SLC71A2: variants seen among roughly 807,000 people sequenced by gnomAD.
SLC71A2 encodes hippocampus abundant transcript-like 1.
At chr9:94,438,533 G>A in the SLC71A2 span, 1 of 1,605,174 alleles carries the variant, frequency 6.2e-7, no homozygotes, top group Non-Finnish European at 8.5e-7. Context: ...CCCATGGTGA[G>A]TGACTTGGCC....
the SLC71A2 span, chr9:94,456,482 T>C: frequency 1.6e-6 from 1 of 611,442 alleles, no homozygotes. Context: ...CTTTGGCAGA[T>C]AGGAACATTC....
At chr9:94,446,872 C>T in the SLC71A2 span, 4 of 1,612,852 alleles carry the variant, frequency 2.5e-6, no homozygotes, top group Non-Finnish European at 3.4e-6. Flanking sequence ...ATCTGCATCA[C>T]CGTGTTTCTT....
the SLC71A2 span, among the ~76,000 whole-genome samples, chr9:94,394,916 T>TTTG: frequency 6.2e-5 from 3 of 48,670 alleles, no homozygotes; most frequent in Non-Finnish European, 4.4e-5. Flanking sequence ...ACTTTTTTTG[T>TTTG]TTTTTTTTTT....
chr9:94,446,093 G>C, the SLC71A2 span, among the ~76,000 whole-genome samples: 1 of 152,194 alleles, frequency 6.6e-6, no homozygotes, highest in Non-Finnish European at 1.5e-5. Flanking sequence ...GGGCAATCGT[G>C]GGGATTACTG....
At chr9:94,458,566 ATATTT>A in the SLC71A2 span, 1 of 1,162,440 alleles carries the variant, frequency 8.6e-7, no homozygotes, top group African/African-American at 1.6e-5. Flanking sequence ...GTATGTTACT[ATATTT>A]TATTTGGCAG....
chr9:94,456,352 C>T, the SLC71A2 span: 1 of 1,603,268 alleles, frequency 6.2e-7, no homozygotes. Context: ...GGTCACTGCC[C>T]CCCACTTGTT....
the SLC71A2 span, among the ~76,000 whole-genome samples, chr9:94,424,748 T>A: frequency 1.6e-4 from 15 of 95,126 alleles, no homozygotes; most frequent in African/African-American, 5.9e-4. Flanking sequence ...TTTTTTTTTT[T>A]TTATTCTTTG....
chr9:94,454,109 G>A, the SLC71A2 span: 1 of 1,419,306 alleles, frequency 7.0e-7, no homozygotes, highest in African/African-American at 1.4e-5. Flanking sequence ...CTGCCAGACA[G>A]ATGCCTCTTA....
chr9:94,446,908 A>G, the SLC71A2 span: 67 of 1,607,364 alleles, frequency 4.2e-5, no homozygotes, highest in East Asian at 6.3e-4. Flanking sequence ...GCTGGACAGT[A>G]TTCAAGTTTT....
chr9:94,434,708 C>A, the SLC71A2 span, among the ~76,000 whole-genome samples: 5,040 of 152,220 alleles, frequency 0.033, 274 homozygotes, highest in African/African-American at 0.11. Context: ...TTTCACTCCA[C>A]CCTGTTAGCC....
the SLC71A2 span, among the ~76,000 whole-genome samples, chr9:94,421,812 T>G: frequency 6.6e-6 from 1 of 152,216 alleles, no homozygotes; most frequent in Non-Finnish European, 1.5e-5. Flanking sequence ...TCATTCATTG[T>G]GTACCTTGAA....
chr9:94,441,113 C>G, the SLC71A2 span: 7 of 1,389,590 alleles, frequency 5.0e-6, no homozygotes, highest in Admixed American at 4.0e-5. Context: ...AGATAATAGA[C>G]TATATATATT....
the SLC71A2 span, among the ~76,000 whole-genome samples, chr9:94,391,347 A>T: frequency 6.6e-6 from 1 of 150,574 alleles, no homozygotes; most frequent in Non-Finnish European, 1.5e-5. Context: ...TGTGCAACAG[A>T]GCGAGACTCT....
chr9:94,458,709 T>G, the SLC71A2 span, among the ~76,000 whole-genome samples: 1 of 152,364 alleles, frequency 6.6e-6, no homozygotes, highest in South Asian at 2.1e-4. Context: ...CACTACACTA[T>G]TCTCTGGATA....
the SLC71A2 span, chr9:94,446,935 A>T: frequency 1.3e-6 from 2 of 1,487,454 alleles, no homozygotes; most frequent in East Asian, 4.5e-5. Flanking sequence ...TATCTCAGGC[A>T]GGTGAGTAGT....
chr9:94,451,135 ATT>A, the SLC71A2 span, among the ~76,000 whole-genome samples: 5 of 152,170 alleles, frequency 3.3e-5, no homozygotes, highest in Non-Finnish European at 5.9e-5. Context: ...AAAGTCAGTC[ATT>A]TTGTTTCATT....
the SLC71A2 span, chr9:94,458,223 C>G: frequency 9.7e-7 from 1 of 1,026,778 alleles, no homozygotes. Context: ...TCAGTCTTGC[C>G]GAATTAGTGT....
At chr9:94,451,428 C>T in the SLC71A2 span, 2 of 1,178,876 alleles carry the variant, frequency 1.7e-6, no homozygotes, top group Non-Finnish European at 2.4e-6. Context: ...ATCTATATTA[C>T]TAAAGTGTTT....
chr9:94,454,031 T>C, the SLC71A2 span: 1 of 1,614,100 alleles, frequency 6.2e-7, no homozygotes, highest in Non-Finnish European at 8.5e-7. Context: ...GGCTTCCAGA[T>C]GCTCCAGTTA....
Sources: gnomAD v4.1 joint callset for allele counts (sites outside exome capture counted in the v4.1 genomes callset) on GRCh38, gnomAD v4.1.1 for gene constraint, MANE v1.5 for transcripts, NCBI Gene and HGNC (gene_info 2026-07-23, HGNC 2026-07-21) for gene names.